The following DOCK3 variants were observed in gnomAD, a reference collection of about 807,000 sequenced individuals.
DOCK3 encodes dedicator of cytokinesis protein 3.
DOCK3 carries 60 observed loss-of-function variants against 265.6 expected under a neutral mutation model. The ratio of observed to expected loss-of-function variants is 0.23; its 90% confidence interval spans 0.18 to 0.28. DOCK3 has a LOEUF of 0.28. DOCK3 is among the 10% of genes least tolerant of loss of function. DOCK3 has a pLI of 1.00. For synonymous variants in DOCK3, 881 were observed against 938.0 expected (o/e 0.94, Z 1.11); for missense variants, 1,981 against 2,594.3 (o/e 0.76, Z 5.14).
intron 5 of DOCK3, among the ~76,000 whole-genome samples, chr3:50,982,786 G>A (rs1001840265): frequency 1.3e-5 from 2 of 152,190 alleles, no homozygotes; most frequent in Non-Finnish European, 2.9e-5. Context: ...GCACAGAGGA[G>A]TGGGCAGAGA....
chr3:51,170,469 A>C (rs989419217), intron 12 of DOCK3, among the ~76,000 whole-genome samples: 1 of 151,800 alleles, frequency 6.6e-6, no homozygotes, highest in Non-Finnish European at 1.5e-5. Flanking sequence ...AATCTTGGTA[A>C]GTTGTATGTT....
chr3:51,077,299 T>C (rs1321300050), intron 7 of DOCK3, among the ~76,000 whole-genome samples: 1 of 152,176 alleles, frequency 6.6e-6, no homozygotes, highest in Non-Finnish European at 1.5e-5. Flanking sequence ...GATTTTGGAT[T>C]TTATTCTTAG....
chr3:51,285,871 G>A (rs892742782), intron 27 of DOCK3, among the ~76,000 whole-genome samples: 1 of 152,080 alleles, frequency 6.6e-6, no homozygotes, highest in Non-Finnish European at 1.5e-5. Flanking sequence ...GGAGGCAGAG[G>A]TTGCAGTGAG....
intron 1 of DOCK3, among the ~76,000 whole-genome samples, chr3:50,740,436 A>G: frequency 6.6e-6 from 1 of 152,154 alleles, no homozygotes; most frequent in Non-Finnish European, 1.5e-5. Flanking sequence ...ACTTTTTTAG[A>G]AACTGCCAAA....
intron 2 of DOCK3, among the ~76,000 whole-genome samples, chr3:50,790,070 T>G (rs2042388059): frequency 6.6e-6 from 1 of 152,216 alleles, no homozygotes; most frequent in South Asian, 2.1e-4. Flanking sequence ...CTCTTTGTGT[T>G]TTTTTAACTG....
chr3:51,262,384 G>T (rs1332900626), intron 23 of DOCK3, among the ~76,000 whole-genome samples: 2 of 152,124 alleles, frequency 1.3e-5, no homozygotes, highest in Admixed American at 6.5e-5. Context: ...CAACAAAAAG[G>T]ACATCCACAC....
chr3:50,783,017 T>TTGTGTG (rs34798184), intron 2 of DOCK3, among the ~76,000 whole-genome samples: 2 of 146,860 alleles, frequency 1.4e-5, no homozygotes, highest in African/African-American at 2.5e-5. Context: ...GTGTGTATAT[T>TTGTGTG]TGTGTGTGTG....
intron 33 of DOCK3, among the ~76,000 whole-genome samples, chr3:51,330,908 C>T (rs1032359810): frequency 8.5e-5 from 13 of 152,204 alleles, no homozygotes; most frequent in South Asian, 2.1e-4. Flanking sequence ...CCCCATCTTA[C>T]TTATTTCCAA....
At chr3:50,917,056 A>G (rs1361419285) in intron 4 of DOCK3, among the ~76,000 whole-genome samples, 2 of 151,994 alleles carry the variant, frequency 1.3e-5, no homozygotes, top group African/African-American at 2.4e-5. Context: ...CATAGTAATG[A>G]TGTATTATTT....
intron 27 of DOCK3, among the ~76,000 whole-genome samples, chr3:51,299,863 T>C (rs1048321632): frequency 1.3e-5 from 2 of 152,338 alleles, no homozygotes; most frequent in East Asian, 3.9e-4. Context: ...TACAGTTTTG[T>C]TCTTTTTGCT....
intron 12 of DOCK3, among the ~76,000 whole-genome samples, chr3:51,181,853 A>G (rs1331989693): frequency 2.0e-5 from 3 of 152,178 alleles, no homozygotes; most frequent in African/African-American, 7.2e-5. Flanking sequence ...ACAGTGCTGG[A>G]TGGCACCCCG....
intron 2 of DOCK3, among the ~76,000 whole-genome samples, chr3:50,797,996 A>T (rs1165214754): frequency 6.6e-6 from 1 of 152,262 alleles, no homozygotes; most frequent in Non-Finnish European, 1.5e-5. Context: ...TGTAACACAT[A>T]TGTAACTCTT....
At chr3:51,376,645 T>A (rs575592584) in intron 51 of DOCK3, among the ~76,000 whole-genome samples, 1 of 152,200 alleles carries the variant, frequency 6.6e-6, no homozygotes, top group East Asian at 1.9e-4. Flanking sequence ...TCTATTGGAG[T>A]TTAGGGCACA....
chr3:50,687,361 G>C (rs570465720), intron 1 of DOCK3, among the ~76,000 whole-genome samples: 1 of 152,344 alleles, frequency 6.6e-6, no homozygotes, highest in African/African-American at 2.4e-5. Flanking sequence ...AGATTGAGCA[G>C]GTTGAATATG....
intron 5 of DOCK3, among the ~76,000 whole-genome samples, chr3:51,035,652 A>G (rs2080237404): frequency 6.6e-6 from 1 of 152,106 alleles, no homozygotes; most frequent in Non-Finnish European, 1.5e-5. Context: ...TGTGTCCTAA[A>G]CATTGTAAAT....
intron 15 of DOCK3, among the ~76,000 whole-genome samples, chr3:51,226,865 G>A (rs76979176): frequency 0.014 from 2,095 of 152,322 alleles, 23 homozygotes; most frequent in Non-Finnish European, 0.023. Context: ...TAGGACTGAG[G>A]ACAATTAGAA....
chr3:50,681,034 G>T (rs2034369797), intron 1 of DOCK3, among the ~76,000 whole-genome samples: 1 of 151,964 alleles, frequency 6.6e-6, no homozygotes, highest in African/African-American at 2.4e-5. Context: ...TAAAATCTTT[G>T]CCTAGACCAA....
intron 5 of DOCK3, among the ~76,000 whole-genome samples, chr3:51,062,816 C>A (rs1486128721): frequency 6.6e-6 from 1 of 152,168 alleles, no homozygotes; most frequent in African/African-American, 2.4e-5. Context: ...TTTGTTTTAT[C>A]AATATGAAAC....
intron 27 of DOCK3, among the ~76,000 whole-genome samples, chr3:51,307,379 A>G (rs1163763890): frequency 3.3e-5 from 5 of 152,102 alleles, no homozygotes; most frequent in Admixed American, 6.6e-5. Flanking sequence ...AGCCTCCCAA[A>G]GCACTAGGAT....
Sources: allele counts gnomAD v4.1 joint callset (sites outside exome capture counted in the v4.1 genomes callset), GRCh38; gene constraint gnomAD v4.1.1; transcripts MANE v1.5; gene names NCBI Gene and HGNC (gene_info 2026-07-23, HGNC 2026-07-21).